Variants in GRIK1 observed in about 807,000 individuals in gnomAD.
The protein encoded by GRIK1 is glutamate ionotropic receptor kainate type subunit 1.
GRIK1 carries 69 observed loss-of-function variants against 105.7 expected under a neutral mutation model. The observed-to-expected ratio is 0.65, with a 90% CI of 0.54 to 0.80. The LOEUF (loss-of-function observed/expected upper bound fraction) is 0.80, where lower values mean the gene tolerates loss of function less well. Ranked by LOEUF, GRIK1 falls within the 30% of genes least tolerant of loss-of-function variation. The probability of loss-of-function intolerance (pLI) is 0.00; values close to 1 mark genes in which losing one functional copy is unlikely to be tolerated. For missense variants in GRIK1, 1,109 were observed against 1,167.3 expected, an observed-to-expected ratio of 0.95 and a Z score of 0.73; for synonymous variants, 438 against 431.3, an observed-to-expected ratio of 1.02 and a Z score of -0.19.
chr21:29,557,847 G>A lies in GRIK1; in HGVS notation c.2357-2545C>T, dbSNP rs1223709757. Among the ~76,000 whole-genome samples, 7 of 152,190 alleles carry A rather than the reference G, an allele frequency of 4.6e-5. No individual in the cohort carries two copies. In the East Asian group the frequency reaches 5.8e-4, roughly 13 times the overall value. ...ACTTTGCTTTAATGTACATGAAAGT[G>A]CTTTGAAGAGTGTAAGAATGATTCT... is the stretch of plus-strand genomic sequence containing the variant. On this transcript the variant is annotated intron_variant, in intron 15 of 17. Coordinates refer to ENST00000327783, the MANE Select transcript of GRIK1 (RefSeq NM_001330994.2).
intron 16 of GRIK1, among the ~76,000 whole-genome samples, chr21:29,544,915 G>A (rs2090027104): frequency 6.6e-6 from 1 of 152,206 alleles, no homozygotes; most frequent in Non-Finnish European, 1.5e-5. Flanking sequence ...TGCCTTCTCT[G>A]GGGGCAAACT....
intron 6 of GRIK1, among the ~76,000 whole-genome samples, chr21:29,643,258 G>A (rs1568925603): frequency 6.6e-6 from 1 of 152,160 alleles, no homozygotes; most frequent in East Asian, 1.9e-4. Flanking sequence ...AATATTTTGC[G>A]AAGTGTCCTC....
intron 1 of GRIK1, among the ~76,000 whole-genome samples, chr21:29,848,779 A>ATATATATATATATATATATTTTTT: frequency 5.1e-5 from 4 of 77,862 alleles, no homozygotes; most frequent in African/African-American, 1.8e-4. Flanking sequence ...ATATATATAT[A>ATATATATATATATATATATTTTTT]TTTTTTTTTT....
intron 1 of GRIK1, among the ~76,000 whole-genome samples, chr21:29,758,189 AAACT>A (rs2065401388): frequency 6.6e-6 from 1 of 152,218 alleles, no homozygotes; most frequent in Non-Finnish European, 1.5e-5. Flanking sequence ...AGAGGAAAAC[AAACT>A]AAGATTTGGG....
At chr21:29,836,713 C>A (rs576464860) in intron 1 of GRIK1, among the ~76,000 whole-genome samples, 1 of 152,156 alleles carries the variant, frequency 6.6e-6, no homozygotes, top group Non-Finnish European at 1.5e-5. Context: ...GCCCACAAAT[C>A]TCACATCATG....
intron 16 of GRIK1, among the ~76,000 whole-genome samples, chr21:29,543,641 A>G (rs2154490): frequency 0.75 from 114,751 of 152,014 alleles, 43,442 homozygotes; most frequent in East Asian, 0.84. Context: ...GTTGATCACC[A>G]TATTAGCTTT....
At chr21:29,846,319 C>T (rs563031257) in intron 1 of GRIK1, among the ~76,000 whole-genome samples, 2 of 139,806 alleles carry the variant, frequency 1.4e-5, no homozygotes, top group East Asian at 2.1e-4. Flanking sequence ...AGCCGGGAGG[C>T]GGAGGTTGCA....
intron 1 of GRIK1, among the ~76,000 whole-genome samples, chr21:29,846,452 G>GAGAGAAA (rs1472713302): frequency 1.7e-5 from 2 of 114,368 alleles, no homozygotes; most frequent in Admixed American, 9.0e-5. Context: ...AAGGAAAGAA[G>GAGAGAAA]GAAAGAGAGA....
At chr21:29,702,674 G>A (rs543300034) in intron 1 of GRIK1, among the ~76,000 whole-genome samples, 2 of 152,280 alleles carry the variant, frequency 1.3e-5, no homozygotes, top group East Asian at 1.9e-4. Context: ...TCGCACCACT[G>A]CACTCCAGCC....
intron 1 of GRIK1, among the ~76,000 whole-genome samples, chr21:29,915,268 G>T (rs1293216388): frequency 6.6e-6 from 1 of 151,932 alleles, no homozygotes; most frequent in Non-Finnish European, 1.5e-5. Flanking sequence ...CCAGTGCTCA[G>T]AGCTGACTGA....
At chr21:29,798,607 A>C (rs2066619326) in intron 1 of GRIK1, among the ~76,000 whole-genome samples, 1 of 152,208 alleles carries the variant, frequency 6.6e-6, no homozygotes, top group African/African-American at 2.4e-5. Context: ...GTGCCTTTTA[A>C]AAATCCTTCA....
intron 1 of GRIK1, among the ~76,000 whole-genome samples, chr21:29,741,486 G>A (rs911322527): frequency 6.6e-6 from 1 of 152,046 alleles, no homozygotes; most frequent in Non-Finnish European, 1.5e-5. Flanking sequence ...TATCTTATCA[G>A]CCAAGAAGCA....
At chr21:29,767,066 G>A (rs1046028378) in intron 1 of GRIK1, among the ~76,000 whole-genome samples, 5 of 152,262 alleles carry the variant, frequency 3.3e-5, no homozygotes, top group African/African-American at 1.2e-4. Flanking sequence ...AAGCTAGCTA[G>A]ACAGCAACTT....
Position 29,798,693 on chromosome 21 carries a change from T to G in GRIK1, c.119-104630A>C, listed in dbSNP as rs1174969585. ...AAAAGAAACACTTTTCAAAGTCCAC[T>G]TTCCTCTCAATTCCTGTCTCCAAAT... On this transcript the variant is annotated intron_variant, in intron 1 of 17. Coordinates refer to ENST00000327783, the MANE Select transcript of GRIK1 (RefSeq NM_001330994.2). Among the ~76,000 whole-genome samples the G allele has an allele frequency of 2.6e-5, 4 of 152,202 alleles. No homozygotes were observed. The East Asian group carries it at 5.8e-4, about 22-fold the overall frequency.
intron 1 of GRIK1, among the ~76,000 whole-genome samples, chr21:29,929,202 G>A (rs1479964987): frequency 6.6e-6 from 1 of 152,190 alleles, no homozygotes; most frequent in Non-Finnish European, 1.5e-5. Flanking sequence ...TTACTAGGAG[G>A]TTATGTGACA....
At chr21:29,877,111 T>C (rs926730897) in intron 1 of GRIK1, among the ~76,000 whole-genome samples, 1 of 152,202 alleles carries the variant, frequency 6.6e-6, no homozygotes, top group African/African-American at 2.4e-5. Context: ...CCATATGCCA[T>C]GACAAAGATC....
intron 1 of GRIK1, among the ~76,000 whole-genome samples, chr21:29,723,616 A>G (rs1433935000): frequency 6.6e-6 from 1 of 152,222 alleles, no homozygotes; most frequent in East Asian, 1.9e-4. Flanking sequence ...CATATCAGAG[A>G]TATTGGGAAA....
intron 12 of GRIK1, among the ~76,000 whole-genome samples, chr21:29,583,292 G>A (rs1358285368): frequency 6.6e-6 from 1 of 152,130 alleles, no homozygotes; most frequent in Non-Finnish European, 1.5e-5. Context: ...AGTTTGCTGA[G>A]CTGAAGAAAT....
chr21:29,826,115 T>G (rs2067448301), intron 1 of GRIK1, among the ~76,000 whole-genome samples: 1 of 152,088 alleles, frequency 6.6e-6, no homozygotes, highest in Non-Finnish European at 1.5e-5. Context: ...TCTCTCTTCC[T>G]CATAACAAAA....
Sources: gnomAD v4.1 joint callset for allele counts (sites outside exome capture counted in the v4.1 genomes callset) on GRCh38, gnomAD v4.1.1 for gene constraint, MANE v1.5 for transcripts, NCBI Gene and HGNC (gene_info 2026-07-23, HGNC 2026-07-21) for gene names.